FAM124A: variants seen among roughly 807,000 people sequenced by gnomAD.
The protein encoded by FAM124A is protein FAM124A.
FAM124A carries 23 observed loss-of-function variants against 24.5 expected under a neutral mutation model. That is an observed-to-expected ratio of 0.94 (90% CI 0.68 to 1.33). FAM124A has a LOEUF of 1.33. Ranked by LOEUF, FAM124A falls within the 40% of genes most tolerant of loss-of-function variation. FAM124A has a pLI of 0.00. For missense variants in FAM124A, 623 were observed against 722.8 expected (o/e 0.86, Z 1.58); for synonymous variants, 287 against 314.7 (o/e 0.91, Z 0.93).
At chr13:51,243,934 A>G (rs1359151494) in intron 2 of FAM124A, among the ~76,000 whole-genome samples, 2 of 152,148 alleles carry the variant, frequency 1.3e-5, no homozygotes, top group East Asian at 3.8e-4. Context: ...CCACTGGATC[A>G]TGTGGGTCTG....
intron 3 of FAM124A, among the ~76,000 whole-genome samples, chr13:51,277,864 A>G (rs190254737): frequency 6.6e-6 from 1 of 152,266 alleles, no homozygotes; most frequent in East Asian, 1.9e-4. Context: ...CTTGAAAAAG[A>G]TGCTTTGCCT....
At chr13:51,280,394 T>G (rs1243884780) in intron 3 of FAM124A, 56 bp from the exon 4 acceptor site, 1 of 1,441,934 alleles carries the variant, frequency 6.9e-7, no homozygotes, top group Non-Finnish European at 9.4e-7. Context: ...CTGTGTTTCC[T>G]GATGCATTTA....
chr13:51,249,770 A>G (rs1346707383), intron 2 of FAM124A, among the ~76,000 whole-genome samples: 1 of 152,110 alleles, frequency 6.6e-6, no homozygotes, highest in African/African-American at 2.4e-5. Flanking sequence ...ATCAGATTTA[A>G]TTTTACTTTT....
At chr13:51,255,642 G>GGT (rs1344245429) in intron 3 of FAM124A, among the ~76,000 whole-genome samples, 33 of 152,194 alleles carry the variant, frequency 2.2e-4, no homozygotes, top group African/African-American at 7.5e-4. Flanking sequence ...CATCTCACAT[G>GGT]CTCAGTGGTG....
intron 2 of FAM124A, among the ~76,000 whole-genome samples, chr13:51,250,164 C>T (rs1954603378): frequency 6.6e-6 from 1 of 152,116 alleles, no homozygotes; most frequent in Admixed American, 6.5e-5. Context: ...ACTTGTAAGC[C>T]CACTTGGAAT....
chr13:51,246,397 CG>C (rs1954559353), intron 2 of FAM124A, among the ~76,000 whole-genome samples: 1 of 106,240 alleles, frequency 9.4e-6, no homozygotes, highest in Non-Finnish European at 2.1e-5. Flanking sequence ...GCATGTTTCT[CG>C]TGGGGTGGGG....
In FAM124A at chr13:51,280,861, A is replaced by G; in HGVS notation, c.1246A>G (p.Thr416Ala). The G allele has an allele frequency of 6.2e-7, 1 of 1,614,176 alleles. No homozygotes were observed. The highest frequency in any genetic ancestry group is 8.5e-7 in the Non-Finnish European group (1 of 1,180,034). Residue 416 changes from threonine (T) to alanine (A), a missense_variant, in exon 4 of 4, where the codon ACA (threonine) becomes GCA (alanine). Thr to Ala is a moderately conservative substitution (Grantham distance 58). Coordinates refer to ENST00000322475, the MANE Select transcript of FAM124A (RefSeq NM_001242312.2). ...LEGAQETDVDTGLRLSSSDLS... is the reference protein window; with the variant it reads ...LEGAQETDVDAGLRLSSSDLS... ...GGGGGCCCAGGAGACAGACGTGGAC[A>G]CAGGCCTGCGGCTGTCCTCATCGGA...
chr13:51,239,003 G>A (rs1250210835), intron 2 of FAM124A, among the ~76,000 whole-genome samples: 1 of 152,138 alleles, frequency 6.6e-6, no homozygotes, highest in Non-Finnish European at 1.5e-5. Context: ...TCGACAGAGG[G>A]TGTTGATTTC....
In FAM124A at chr13:51,243,899, C is replaced by T. The variant is rs184657693; in HGVS notation, c.101-7569C>T. 5.6e-4 allele frequency among the ~76,000 whole-genome samples: 86 copies of T among 152,260 alleles called. 1 individual carries two copies. The South Asian group carries it at 8.5e-3, about 15-fold the overall frequency. ...GGACATGTCTTTGTTGTGTGTGTGA[C>T]GCACCGTCTCACCTGAGTTTTCTGC... is the stretch of plus-strand genomic sequence containing the variant. On this transcript the variant is annotated intron_variant, in intron 2 of 3. Transcript: ENST00000322475.
At chr13:51,223,431 G>A (rs368026798) in intron 1 of FAM124A, among the ~76,000 whole-genome samples, 1 of 152,242 alleles carries the variant, frequency 6.6e-6, no homozygotes, top group African/African-American at 2.4e-5. Context: ...AGGAGGAAAG[G>A]GTGTTTTTTC....
In FAM124A at chr13:51,222,522, C is replaced by A. The variant is rs781604299; in HGVS notation, c.21C>A (p.Gly7=). The change falls in exon 1 of 4, where the codon GGC becomes GGA. Residue 7 remains glycine (G), a synonymous_variant. Coordinates refer to ENST00000322475, the MANE Select transcript of FAM124A (RefSeq NM_001242312.2). ...GCACCATGGACCCAAAGGCGGGCGG[C>A]GGCGGCGAGGAGGACGACTGCGTGG... The part of the protein sequence containing the change: MDPKAG[G]GGEEDDCVDS... The A allele has an allele frequency of 1.6e-6, 2 of 1,226,262 alleles. No individual in the cohort carries two copies. The highest frequency in any genetic ancestry group is 2.0e-6 in the Non-Finnish European group (2 of 985,644). The allele number at this position is 1,226,262 out of a possible 1,614,324, so 76.0% of individuals were successfully genotyped here.
chr13:51,272,676 C>T lies in FAM124A; in HGVS notation c.835-7774C>T, dbSNP rs1161053719. ...ACTCTCTGGAAAGATGGACCAGGGA[C>T]CTAGACCACAGGACACCAAGCACAG... On this transcript the variant is annotated intron_variant, in intron 3 of 3. Transcript: ENST00000322475. The surrounding 1 kb of genome is among the most constrained non-coding windows in gnomAD (Gnocchi z 4.2). Among the ~76,000 whole-genome samples the T allele has an allele frequency of 2.0e-5, 3 of 151,106 alleles. No homozygotes were observed. The highest frequency in any genetic ancestry group is 7.4e-5 in the African/African-American group (3 of 40,436).
intron 3 of FAM124A, among the ~76,000 whole-genome samples, chr13:51,265,415 G>A (rs968423442): frequency 3.3e-5 from 5 of 151,930 alleles, no homozygotes; most frequent in Non-Finnish European, 7.4e-5. Context: ...TGGGAGCACT[G>A]AGCCAGCTGA....
At position 51,248,625 on chromosome 13, in the gene FAM124A, T is replaced by C. The variant is rs549071920; in HGVS notation, c.101-2843T>C. Among the ~76,000 whole-genome samples the C allele has an allele frequency of 8.5e-5, 13 of 152,312 alleles. No individual in the cohort carries two copies. The South Asian group carries it at 2.7e-3, about 32-fold the overall frequency. ...GTCTGTTCCATGTGTCTCATCCCCT[T>C]ACTGGGACCGGTGGGCTCCCCCAAG... is the stretch of plus-strand genomic sequence containing the variant. On this transcript the variant is annotated intron_variant, in intron 2 of 3. Coordinates refer to ENST00000322475, the MANE Select transcript of FAM124A (RefSeq NM_001242312.2).
At chr13:51,233,277 C>T (rs984741210) in intron 2 of FAM124A, among the ~76,000 whole-genome samples, 19 of 152,202 alleles carry the variant, frequency 1.2e-4, no homozygotes, top group African/African-American at 3.4e-4. Flanking sequence ...AGAGTTATAA[C>T]ATGGCTGCCT....
At chr13:51,253,950 C>A (rs1037722595) in intron 3 of FAM124A, among the ~76,000 whole-genome samples, 3 of 152,168 alleles carry the variant, frequency 2.0e-5, no homozygotes, top group Non-Finnish European at 2.9e-5. Flanking sequence ...TACCTCTCCC[C>A]CCAAGATTCT....
Position 51,264,922 on chromosome 13 carries a change from C to T in FAM124A, c.834+12721C>T, listed in dbSNP as rs143017623. On this transcript the variant is annotated intron_variant, in intron 3 of 3. Transcript: ENST00000322475. ...TTTCCTGTTTTGTATATTAGTAAAA[C>T]AATGATCCAAAGACTGGTCTCTGAG... Among the ~76,000 whole-genome samples, 10 of 152,310 alleles carry T rather than the reference C, an allele frequency of 6.6e-5. No homozygotes were observed. In the East Asian group the frequency reaches 1.9e-3, roughly 29 times the overall value.
At chr13:51,260,260 G>A (rs1039401718) in intron 3 of FAM124A, among the ~76,000 whole-genome samples, 2 of 152,188 alleles carry the variant, frequency 1.3e-5, no homozygotes, top group Non-Finnish European at 2.9e-5. Context: ...CTGTGCTGAT[G>A]GAGTCCTCCA....
At chr13:51,228,952 G>T (rs529668247) in intron 1 of FAM124A, among the ~76,000 whole-genome samples, 1 of 152,272 alleles carries the variant, frequency 6.6e-6, no homozygotes, top group Non-Finnish European at 1.5e-5. Context: ...CCAACAAAAG[G>T]GTTGAATAAA....
Sources: allele counts gnomAD v4.1 joint callset (sites outside exome capture counted in the v4.1 genomes callset), GRCh38; gene constraint gnomAD v4.1.1; non-coding constraint Gnocchi (gnomAD v3.1); transcripts MANE v1.5; gene names NCBI Gene and HGNC (gene_info 2026-07-23, HGNC 2026-07-21).